The following LCORL variants were observed in gnomAD, a reference collection of about 807,000 sequenced individuals.
The protein encoded by LCORL is ligand dependent nuclear receptor corepressor like.
LCORL carries 41 observed loss-of-function variants against 141.8 expected under a neutral mutation model. The ratio of observed to expected loss-of-function variants is 0.29; its 90% CI spans 0.23 to 0.38. The LOEUF is 0.38. Ranked by LOEUF, LCORL falls within the 10% of genes least tolerant of loss-of-function variation. LCORL has a pLI of 1.00. For synonymous variants in LCORL, 618 were observed against 694.1 expected, an observed-to-expected ratio of 0.89 and a Z score of 1.72; for missense variants, 1,759 against 2,035.0, an observed-to-expected ratio of 0.86 and a Z score of 2.61.
chr4:17,941,161 G>A (rs1380689585), intron 4 of LCORL, among the ~76,000 whole-genome samples: 1 of 152,138 alleles, frequency 6.6e-6, no homozygotes, highest in African/African-American at 2.4e-5. Flanking sequence ...CAGATCACGA[G>A]GTCAGGAGAT....
At chr4:17,920,735 T>C (rs1038287009) in intron 4 of LCORL, among the ~76,000 whole-genome samples, 1 of 152,254 alleles carries the variant, frequency 6.6e-6, no homozygotes, top group Non-Finnish European at 1.5e-5. Flanking sequence ...GCTCACAGCA[T>C]CTTTGCCAGA....
chr4:17,963,394 G>A (rs1714239093), intron 2 of LCORL, among the ~76,000 whole-genome samples: 1 of 151,904 alleles, frequency 6.6e-6, no homozygotes, highest in Admixed American at 6.6e-5. Flanking sequence ...TCAGAACAAA[G>A]GGGGAGATAT....
intron 7 of LCORL, among the ~76,000 whole-genome samples, chr4:17,865,415 A>G (rs13147253): frequency 0.45 from 68,444 of 152,066 alleles, 18,085 homozygotes; most frequent in Non-Finnish European, 0.6. Context: ...GCTGGTCTTG[A>G]ATTCCTGGGC....
intron 4 of LCORL, among the ~76,000 whole-genome samples, chr4:17,942,807 A>C (rs1388537208): frequency 6.6e-6 from 1 of 152,156 alleles, no homozygotes; most frequent in Non-Finnish European, 1.5e-5. Context: ...GACTGGTACC[A>C]GTCCATGGCC....
exon 7 of LCORL, chr4:17,875,266 C>T: frequency 8.1e-7 from 1 of 1,231,438 alleles, no homozygotes; most frequent in East Asian, 3.2e-5. Flanking sequence ...CTACTTATTG[C>T]CAAAGGCTTC....
chr4:17,962,972 T>C (rs774483699), exon 3 of LCORL: 3 of 1,556,310 alleles, frequency 1.9e-6, no homozygotes, highest in South Asian at 2.5e-5. Context: ...AAACTTACAC[T>C]GACTGCTTCT....
At chr4:17,978,579 CA>C (rs202146842) in intron 1 of LCORL, among the ~76,000 whole-genome samples, 514 of 125,020 alleles carry the variant, frequency 4.1e-3, no homozygotes, top group East Asian at 0.018. Flanking sequence ...GACCTTGTCT[CA>C]AAAAAAAAAA....
chr4:17,953,027 A>G (rs765635324), intron 4 of LCORL, among the ~76,000 whole-genome samples: 19 of 152,088 alleles, frequency 1.2e-4, no homozygotes, highest in Non-Finnish European at 2.8e-4. Flanking sequence ...TTAGTTTACT[A>G]AAGATAATGG....
exon 7 of LCORL, chr4:17,877,463 T>C (rs1727042255): frequency 8.1e-7 from 1 of 1,229,126 alleles, no homozygotes; most frequent in Non-Finnish European, 1.0e-6. Context: ...TGCTGTCATT[T>C]GAGAGTAAAG....
chr4:17,972,597 C>A (rs1716192985), intron 2 of LCORL, among the ~76,000 whole-genome samples: 2 of 151,514 alleles, frequency 1.3e-5, no homozygotes, highest in Non-Finnish European at 1.5e-5. Flanking sequence ...ACACCATTGA[C>A]CTCCAAACAA....
chr4:17,962,554 A>G (rs1714040164), intron 3 of LCORL, among the ~76,000 whole-genome samples: 1 of 152,068 alleles, frequency 6.6e-6, no homozygotes, highest in South Asian at 2.1e-4. Flanking sequence ...ATGATATCCA[A>G]AAGACTTCAA....
chr4:17,914,533 A>G (rs1197834724), intron 4 of LCORL, among the ~76,000 whole-genome samples: 4 of 152,198 alleles, frequency 2.6e-5, no homozygotes, highest in Non-Finnish European at 5.9e-5. Flanking sequence ...AGACCAAAGG[A>G]CCTGGCAAAA....
intron 2 of LCORL, among the ~76,000 whole-genome samples, chr4:17,966,339 C>T (rs1386937952): frequency 6.6e-6 from 1 of 151,974 alleles, no homozygotes; most frequent in Non-Finnish European, 1.5e-5. Flanking sequence ...ACTACTGATC[C>T]TATGGGCATT....
intron 5 of LCORL, among the ~76,000 whole-genome samples, chr4:17,907,245 C>T (rs1731783324): frequency 6.6e-6 from 1 of 152,142 alleles, no homozygotes; most frequent in African/African-American, 2.4e-5. Context: ...AAGGCTTCTT[C>T]TGTGGTGATG....
At chr4:18,003,448 T>C (rs566634629) in intron 1 of LCORL, among the ~76,000 whole-genome samples, 11 of 152,316 alleles carry the variant, frequency 7.2e-5, no homozygotes, top group African/African-American at 2.2e-4. Context: ...TTAAGGTACG[T>C]TGAGATAAAG....
intron 7 of LCORL, among the ~76,000 whole-genome samples, chr4:17,869,188 A>G (rs964372302): frequency 1.3e-5 from 2 of 151,638 alleles, no homozygotes; most frequent in Admixed American, 6.6e-5. Context: ...TTTATCTTCA[A>G]TTGTTTATTC....
intron 1 of LCORL, among the ~76,000 whole-genome samples, chr4:17,982,948 A>G (rs951655063): frequency 3.9e-5 from 6 of 152,118 alleles, no homozygotes; most frequent in African/African-American, 1.2e-4. Context: ...TGTATAAGGT[A>G]TAAGGAAGGG....
At chr4:17,886,016 G>A in intron 6 of LCORL, 52 bp downstream of exon 6, 1 of 1,012,632 alleles carries the variant, frequency 9.9e-7, no homozygotes, top group Non-Finnish European at 1.5e-6. Flanking sequence ...AGAGTTCTCT[G>A]CAGAGATAAT....
chr4:17,986,079 G>A (rs1179438976), intron 1 of LCORL, among the ~76,000 whole-genome samples: 1 of 152,196 alleles, frequency 6.6e-6, no homozygotes, highest in African/African-American at 2.4e-5. Flanking sequence ...AGAATGTTGA[G>A]TATAAGCTCC....
Sources: gnomAD v4.1 joint callset for allele counts (sites outside exome capture counted in the v4.1 genomes callset) on GRCh38, gnomAD v4.1.1 for gene constraint, MANE v1.5 for transcripts, NCBI Gene and HGNC (gene_info 2026-07-23, HGNC 2026-07-21) for gene names.